Variants in UNC45A observed in about 807,000 individuals in gnomAD.
The protein encoded by UNC45A is unc-45 myosin chaperone A, also known as protein unc-45 homolog A.
Under a neutral mutation model 103.2 loss-of-function variants are expected in UNC45A, and 78 were observed. The ratio of observed to expected loss-of-function variants is 0.76; its 90% CI spans 0.63 to 0.91. UNC45A has a LOEUF of 0.91. Among genes scored for constraint, UNC45A ranks in the 40% least tolerant of loss-of-function variants. The pLI is 0.00. For synonymous variants in UNC45A, 495 were observed against 504.6 expected (o/e 0.98, Z 0.25); for missense variants, 1,193 against 1,224.8 (o/e 0.97, Z 0.39).
chr15:90,948,017 C>A, intron 11 of UNC45A, 125 bp from the exon 12 acceptor site: 2 of 1,523,380 alleles, frequency 1.3e-6, no homozygotes, highest in Admixed American at 1.7e-5. Context: ...AGTCTGGATC[C>A]TGGTACGTGA....
At chr15:90,942,770 T>TC in intron 7 of UNC45A, 142 bp from the exon 8 acceptor site, 1 of 1,486,734 alleles carries the variant, frequency 6.7e-7, no homozygotes. Context: ...CCAAGGTGCC[T>TC]CAGGACAAAG....
chr15:90,945,342 A>G (rs1181214365), intron 9 of UNC45A, among the ~76,000 whole-genome samples: 1 of 151,260 alleles, frequency 6.6e-6, no homozygotes, highest in African/African-American at 2.4e-5. Context: ...CTGTTCCCAC[A>G]CAGATGAAAC....
At chr15:90,932,665 A>C (rs1215895408), upstream of UNC45A, 1 of 514,014 alleles carries the variant, frequency 1.9e-6, no homozygotes, top group Non-Finnish European at 3.0e-6. Context: ...GGCCTGCCCC[A>C]GATGAATTCC....
At chr15:90,946,942 G>GCGGGGGGGGGGGGGC in intron 10 of UNC45A, 28 bp downstream of exon 10, 8 of 817,378 alleles carry the variant, frequency 9.8e-6, no homozygotes, top group South Asian at 1.4e-5. Context: ...GGGTGGGTGG[G>GCGGGGGGGGGGGGGC]CAGGCAGCCA....
chr15:90,942,808 C>T lies in UNC45A; in HGVS notation c.857-104C>T, dbSNP rs915791705. ...GGAGCTCAGTCTGGAGCCTGGGATG[C>T]GGATCCCCCCTTCCCTGTGTCTCCC... On this transcript the variant is annotated intron_variant, in intron 7 of 19. Coordinates refer to ENST00000418476, the MANE Select transcript of UNC45A (RefSeq NM_018671.5). 4.6e-5 allele frequency: 69 copies of T among 1,496,516 alleles called. No homozygotes were observed. In the Middle Eastern group the frequency reaches 7.6e-4, roughly 16 times the overall value. The allele number at this position is 1,496,516 out of a possible 1,614,324, so 92.7% of individuals were successfully genotyped here.
chr15:90,932,323 G>T, upstream of UNC45A: 1 of 819,050 alleles, frequency 1.2e-6, no homozygotes. Flanking sequence ...ATCGCACTAA[G>T]CTTGGGACAA....
chr15:90,953,426 C>T, intron 19 of UNC45A, 33 bp from the exon 20 acceptor site: 2 of 1,609,834 alleles, frequency 1.2e-6, no homozygotes, highest in Non-Finnish European at 1.7e-6. Flanking sequence ...AGCCTGTTGC[C>T]CAGGGGTCAT....
chr15:90,941,776 G>A (rs1294888966), intron 6 of UNC45A, among the ~76,000 whole-genome samples: 1 of 151,958 alleles, frequency 6.6e-6, no homozygotes, highest in Non-Finnish European at 1.5e-5. Flanking sequence ...TGGCTAACAC[G>A]GTGAAACCCC....
upstream of UNC45A, chr15:90,932,439 G>A: frequency 7.3e-7 from 1 of 1,366,124 alleles, no homozygotes; most frequent in South Asian, 1.8e-5. Flanking sequence ...CGATGGGGTG[G>A]TTGATGTAGG....
rs750872877 is a variant in UNC45A at position 90,950,266 on chromosome 15, G to C, written c.2186G>C (p.Arg729Pro). Reference protein sequence around the residue: ...SNPEMTFPGERIYEVVRPLVS... With the variant: ...SNPEMTFPGEPIYEVVRPLVS... ...CCGGAGATGACCTTCCCTGGCGAGC[G>C]GGTACGTGTCTTCCTGCCCCGGCCT... Residue 729 changes from arginine (R) to proline (P), a missense_variant and splice_region_variant, in exon 16 of 20, where the codon CGG becomes CCG. Coordinates refer to ENST00000418476, the MANE Select transcript of UNC45A (RefSeq NM_018671.5). The C allele has an allele frequency of 6.4e-7, 1 of 1,551,594 alleles. No homozygotes were observed. Among genetic ancestry groups the C allele is most frequent in the Non-Finnish European group, 8.7e-7 (1 of 1,147,008 alleles).
chr15:90,951,155 G>A (rs946516453), intron 17 of UNC45A, among the ~76,000 whole-genome samples: 9 of 152,228 alleles, frequency 5.9e-5, no homozygotes, highest in African/African-American at 1.7e-4. Flanking sequence ...TTATAGGCAC[G>A]TGCTACCGCG....
intron 19 of UNC45A, 38 bp downstream of exon 19, chr15:90,953,348 C>G: frequency 6.3e-7 from 1 of 1,593,786 alleles, no homozygotes; most frequent in Non-Finnish European, 8.5e-7. Context: ...AGGGACGGAC[C>G]AGGAACTCCC....
intron 10 of UNC45A, 43 bp downstream of exon 10, chr15:90,946,957 G>A (rs765763409): frequency 2.5e-6 from 4 of 1,570,146 alleles, no homozygotes; most frequent in South Asian, 2.4e-5. Context: ...CAGCCAGGCA[G>A]GGGTCCTGGT....
upstream of UNC45A, chr15:90,932,508 A>T (rs2035839561): frequency 2.3e-6 from 3 of 1,302,474 alleles, no homozygotes; most frequent in East Asian, 9.0e-5. Flanking sequence ...CGAAGTCGGC[A>T]GCCTCCAGCA....
At chr15:90,935,742 G>A in intron 2 of UNC45A, 37 bp downstream of exon 2, 1 of 1,532,632 alleles carries the variant, frequency 6.5e-7, no homozygotes. Context: ...CGCCCGCCCG[G>A]GCCCCGGTTC....
At position 90,935,317 on chromosome 15, in the gene UNC45A, T is replaced by C. The variant is rs1281411944; in HGVS notation, c.-8T>C. The C allele has an allele frequency of 1.2e-6, 2 of 1,601,558 alleles. No individual in the cohort carries two copies. Among genetic ancestry groups the C allele is most frequent in the Non-Finnish European group, 8.5e-7 (1 of 1,176,130 alleles). ...GCGCCTGCGCGGGCACGAGACAACC[T>C]CTCCGCGATGACTGTGAGTGGTCCA... On this transcript the variant is annotated 5_prime_UTR_variant, in exon 1 of 20. Transcript: ENST00000418476.
At position 90,946,705 on chromosome 15, in the gene UNC45A, C is replaced by T. The variant is rs201875431; in HGVS notation, c.1291C>T (p.Arg431Trp). ...LLQGPCDAGN[R>W]ALELSGVMES... ...GCAGGGCCCATGTGACGCTGGCAAC[C>T]GGGCCTTGGAGCTGAGCGGTGTCAT... Residue 431 changes from arginine (R) to tryptophan (W), a missense_variant, in exon 10 of 20, where the codon CGG (arginine) becomes TGG (tryptophan). By Grantham distance (101) the Arg-to-Trp change is moderately radical. Coordinates refer to ENST00000418476, the MANE Select transcript of UNC45A (RefSeq NM_018671.5). The T allele has an allele frequency of 1.7e-4, 280 of 1,612,942 alleles. No individual in the cohort carries two copies. Among genetic ancestry groups the T allele is most frequent in the Middle Eastern group, 3.9e-4 (2 of 5,168 alleles).
At chr15:90,950,761 G>A (rs2036863189) in intron 17 of UNC45A, 146 bp downstream of exon 17, 4 of 818,540 alleles carry the variant, frequency 4.9e-6, no homozygotes, top group Non-Finnish European at 7.7e-6. Context: ...GAGAGGAGGC[G>A]ACAGGCCAAG....
chr15:90,931,784 T>G (rs778239014), upstream of UNC45A: 1 of 1,614,124 alleles, frequency 6.2e-7, no homozygotes, highest in Non-Finnish European at 8.5e-7. Context: ...GGGGCTACTG[T>G]GGGGCGCTTG....
Sources: allele counts gnomAD v4.1 joint callset (sites outside exome capture counted in the v4.1 genomes callset), GRCh38; gene constraint gnomAD v4.1.1; transcripts MANE v1.5; gene names NCBI Gene and HGNC (gene_info 2026-07-23, HGNC 2026-07-21).